The following GRK3 variants were observed in gnomAD, a reference collection of about 807,000 sequenced individuals.
GRK3 encodes the protein adrenergic, beta, receptor kinase 2.
GRK3 carries 54 observed loss-of-function variants against 95.7 expected under a neutral mutation model. The observed-to-expected ratio is 0.56, with a 90% CI of 0.45 to 0.71. The LOEUF (loss-of-function observed/expected upper bound fraction) is 0.71. Ranked by LOEUF, GRK3 falls within the 30% of genes least tolerant of loss-of-function variation. The pLI is 0.00. For synonymous variants in GRK3, 281 were observed against 290.8 expected (o/e 0.97, Z 0.34); for missense variants, 649 against 851.2 (o/e 0.76, Z 2.96).
At chr22:25,696,886 C>G (rs537809156) in intron 13 of GRK3, among the ~76,000 whole-genome samples, 1 of 152,338 alleles carries the variant, frequency 6.6e-6, no homozygotes, top group South Asian at 2.1e-4. Flanking sequence ...GGCTTTAATT[C>G]ATGTCATCAG....
chr22:25,698,376 G>A (rs1417908743), intron 13 of GRK3, among the ~76,000 whole-genome samples: 8 of 152,166 alleles, frequency 5.3e-5, no homozygotes, highest in Admixed American at 1.3e-4. Context: ...TATACACACC[G>A]GATCAGGAGC....
rs547182482 is a variant in GRK3 at position 25,586,948 on chromosome 22, G to A, written c.114-17429G>A. 6.8e-4 allele frequency among the ~76,000 whole-genome samples: 103 copies of A among 151,082 alleles called. 2 individuals carry two copies. The South Asian group carries it at 0.019, about 28-fold the overall frequency. Reference sequence around the variant, plus strand: ...TCATTCAGGCTGGAGTGCATGGCACGATCTCAGCTCACCACATCCTCCACC... The same window carrying A: ...TCATTCAGGCTGGAGTGCATGGCACAATCTCAGCTCACCACATCCTCCACC... On this transcript the variant is annotated intron_variant, in intron 1 of 20. Coordinates refer to ENST00000324198, the MANE Select transcript of GRK3 (RefSeq NM_005160.4).
intron 2 of GRK3, among the ~76,000 whole-genome samples, chr22:25,620,006 T>TTTGTG (rs144086816): frequency 6.6e-5 from 6 of 90,322 alleles, no homozygotes; most frequent in Non-Finnish European, 9.8e-5. Context: ...TTTGTCTTTT[T>TTTGTG]TGTGTGTGTG....
At chr22:25,628,393 G>A (rs1180962912) in intron 2 of GRK3, among the ~76,000 whole-genome samples, 1 of 152,218 alleles carries the variant, frequency 6.6e-6, no homozygotes, top group Admixed American at 6.5e-5. Context: ...ATAAAAAGTG[G>A]ATGTAGAGGG....
At chr22:25,602,755 A>G (rs2084417798) in intron 1 of GRK3, among the ~76,000 whole-genome samples, 1 of 152,244 alleles carries the variant, frequency 6.6e-6, no homozygotes, top group Admixed American at 6.5e-5. Context: ...GAACTGGAGC[A>G]TGAATCTATG....
chr22:25,591,569 A>T (rs1220250849), intron 1 of GRK3, among the ~76,000 whole-genome samples: 4 of 152,148 alleles, frequency 2.6e-5, no homozygotes, highest in African/African-American at 7.2e-5. Context: ...CATTAGCATA[A>T]ACTCAGGTAT....
rs1483906015 is a variant in GRK3 at position 25,722,404 on chromosome 22, A to C, written c.2021A>C (p.Glu674Ala). 1.2e-6 allele frequency: 2 copies of C among 1,614,096 alleles called. No individual in the cohort carries two copies. The highest frequency in any genetic ancestry group is 1.1e-5 in the South Asian group (1 of 91,078). ...AACAAACCTCGGTCAGGTACTGTGGAGCTCCCAAAGCCATCCCTCTGTCAC... is the reference window on the plus strand; with the variant it reads ...AACAAACCTCGGTCAGGTACTGTGGCGCTCCCAAAGCCATCCCTCTGTCAC... ...FLNKPRSGTVELPKPSLCHRN... is the reference protein window; with the variant it reads ...FLNKPRSGTVALPKPSLCHRN... Residue 674 changes from glutamate to alanine, a missense_variant, in exon 21 of 21, where the codon GAG becomes GCG. Physicochemically the swap from Glu to Ala is moderately radical, Grantham distance 107. Coordinates refer to ENST00000324198, the MANE Select transcript of GRK3 (RefSeq NM_005160.4).
chr22:25,568,913 C>T (rs7286954), intron 1 of GRK3, among the ~76,000 whole-genome samples: 3,444 of 152,318 alleles, frequency 0.023, 62 homozygotes, highest in Middle Eastern at 0.068. Context: ...ACTATCTAAA[C>T]ATAGTCTCCA....
intron 2 of GRK3, among the ~76,000 whole-genome samples, chr22:25,622,210 AG>A (rs1260272390): frequency 1.3e-5 from 2 of 152,296 alleles, no homozygotes; most frequent in Non-Finnish European, 2.9e-5. Flanking sequence ...GACGAAACTA[AG>A]GAACACTGGC....
chr22:25,566,642 G>A (rs992706830), intron 1 of GRK3, among the ~76,000 whole-genome samples: 1 of 152,092 alleles, frequency 6.6e-6, no homozygotes, highest in Admixed American at 6.5e-5. Context: ...CCAGAGTGTA[G>A]CATATCTGAA....
rs1374499358 is a variant in GRK3 at position 25,593,746 on chromosome 22, G to A, written c.114-10631G>A. On this transcript the variant is annotated intron_variant, in intron 1 of 20. Transcript: ENST00000324198. ...TTGTTTTCTTTGCAGTTGCTTTTGA[G>A]GACTTTTTTTTGCATTTTTTGAGGA... Among the ~76,000 whole-genome samples, 5 of 151,986 alleles carry A rather than the reference G, an allele frequency of 3.3e-5. No homozygotes were observed. In the East Asian group the frequency reaches 9.7e-4, roughly 29 times the overall value.
intron 2 of GRK3, among the ~76,000 whole-genome samples, chr22:25,617,473 C>T (rs897769277): frequency 2.0e-5 from 3 of 152,078 alleles, no homozygotes; most frequent in East Asian, 1.9e-4. Context: ...ATTTTTTTCT[C>T]GTTTACTAAT....
chr22:25,712,217 A>G lies in GRK3; in HGVS notation c.1491+1054A>G, dbSNP rs568636562. Reference sequence around the variant, plus strand: ...TGGTGTTGGAGGTTAGGTGAAGGCAAAGTGCAGAGGGCCCAGGTCACAGGG... The same window carrying G: ...TGGTGTTGGAGGTTAGGTGAAGGCAGAGTGCAGAGGGCCCAGGTCACAGGG... On this transcript the variant is annotated intron_variant, in intron 17 of 20. Transcript: ENST00000324198. 3.3e-5 allele frequency among the ~76,000 whole-genome samples: 5 copies of G among 152,284 alleles called. No individual in the cohort carries two copies. In the East Asian group the frequency reaches 7.7e-4, roughly 24 times the overall value.
At position 25,590,715 on chromosome 22, in the gene GRK3, A is replaced by AG. The variant is rs1438201737; in HGVS notation, c.114-13661dup. Among the ~76,000 whole-genome samples, 30 of 152,246 alleles carry AG rather than the reference A, an allele frequency of 2.0e-4. No homozygotes were observed. The East Asian group carries it at 4.2e-3, about 22-fold the overall frequency. On this transcript the variant is annotated intron_variant, in intron 1 of 20. Coordinates refer to ENST00000324198, the MANE Select transcript of GRK3 (RefSeq NM_005160.4). ...GGGCACCCACAGTCCCAGCTACTCG[A>AG]GAGGCTGAGGGAGGAGTATCACTTG... is the stretch of plus-strand genomic sequence containing the variant.
rs374894962 is a variant in GRK3, at chr22:25,573,004, C to T, written c.113+7851C>T. Reference sequence around the variant, plus strand: ...ATGAGCATCTTTGGAAACTGTTGTACCAGAAAGCTCTCTTGTATTACCTTC... The same window carrying T: ...ATGAGCATCTTTGGAAACTGTTGTATCAGAAAGCTCTCTTGTATTACCTTC... On this transcript the variant is annotated intron_variant, in intron 1 of 20. Transcript: ENST00000324198. Among the ~76,000 whole-genome samples, 14 of 152,232 alleles carry T rather than the reference C, an allele frequency of 9.2e-5. No individual in the cohort carries two copies. In the East Asian group the frequency reaches 2.3e-3, roughly 25 times the overall value.
intron 2 of GRK3, among the ~76,000 whole-genome samples, chr22:25,616,854 C>A (rs1427446820): frequency 6.6e-6 from 1 of 152,156 alleles, no homozygotes; most frequent in South Asian, 2.1e-4. Context: ...GTTTATGCCT[C>A]TTGGAATTAA....
chr22:25,691,682 G>A (rs1190699724), intron 12 of GRK3, among the ~76,000 whole-genome samples: 1 of 152,182 alleles, frequency 6.6e-6, no homozygotes, highest in Non-Finnish European at 1.5e-5. Context: ...TTTCAGTTTA[G>A]TATAGTCATA....
At chr22:25,636,109 C>T (rs1006310722) in intron 2 of GRK3, among the ~76,000 whole-genome samples, 3 of 152,176 alleles carry the variant, frequency 2.0e-5, no homozygotes, top group African/African-American at 7.2e-5. Flanking sequence ...TGCTTGCTTA[C>T]TTTCTAGCAG....
At chr22:25,681,914 C>T (rs1456425375) in intron 9 of GRK3, among the ~76,000 whole-genome samples, 2 of 152,020 alleles carry the variant, frequency 1.3e-5, no homozygotes, top group Admixed American at 1.3e-4. Flanking sequence ...TGTATCCCAC[C>T]CTTCATTAAA....
Sources: gnomAD v4.1 joint callset for allele counts (sites outside exome capture counted in the v4.1 genomes callset) on GRCh38, gnomAD v4.1.1 for gene constraint, MANE v1.5 for transcripts, NCBI Gene and HGNC (gene_info 2026-07-23, HGNC 2026-07-21) for gene names.